Variants in NCAPD3 observed in about 807,000 individuals in gnomAD.
NCAPD3 encodes non-SMC condensin II complex subunit D3.
Under a neutral mutation model 182.9 loss-of-function variants are expected in NCAPD3, and 105 were observed. The ratio of observed to expected loss-of-function variants is 0.57; its 90% CI spans 0.49 to 0.68. The LOEUF is 0.68. NCAPD3 is among the 30% of genes least tolerant of loss of function. NCAPD3 has a pLI of 0.00. For synonymous variants in NCAPD3, 815 were observed against 679.9 expected (o/e 1.20, Z -3.09); for missense variants, 1,944 against 1,837.0 (o/e 1.06, Z -1.07).
chr11:134,210,602 G>A (rs1037120134), intron 3 of NCAPD3, 148 bp from the exon 4 acceptor site: 21 of 693,930 alleles, frequency 3.0e-5, no homozygotes, highest in Non-Finnish European at 4.8e-5. Context: ...CATTTGCAAC[G>A]TCAGCCTTAG....
In NCAPD3 at chr11:134,177,225, G is replaced by T; in HGVS notation, c.3015C>A (p.Leu1005=). 6.2e-7 allele frequency: 1 copy of T among 1,613,102 alleles called. No individual in the cohort carries two copies. The highest frequency in any genetic ancestry group is 8.5e-7 in the Non-Finnish European group (1 of 1,179,010). ...RKQTLILLTN[L]LQEEFVKWKG... is the part of the protein sequence containing the mutation. The stretch of plus-strand genomic sequence containing the variant: ...ATTGAACCCCCCTACGCACCTGCAA[G>T]AGATTGGTAAGCAAGATGAGTGTCT... The change falls in exon 23 of 35, where the codon CTC becomes CTA. Residue 1005 remains leucine (L), a synonymous_variant. Coordinates refer to ENST00000534548, the MANE Select transcript of NCAPD3 (RefSeq NM_015261.3).
chr11:134,222,829 C>A (rs1938284092), intron 1 of NCAPD3, among the ~76,000 whole-genome samples: 1 of 152,180 alleles, frequency 6.6e-6, no homozygotes, highest in Admixed American at 6.5e-5. Context: ...TCTAAATGAA[C>A]AAAATTGTTA....
chr11:134,167,968 G>A (rs1314324125), intron 27 of NCAPD3, 28 bp downstream of exon 27: 6 of 1,606,152 alleles, frequency 3.7e-6, no homozygotes, highest in African/African-American at 2.7e-5. Context: ...CTTGTGAGAA[G>A]ATGATCTTAG....
intron 24 of NCAPD3, among the ~76,000 whole-genome samples, chr11:134,169,988 CA>C (rs1565529371): frequency 6.6e-6 from 1 of 152,208 alleles, no homozygotes; most frequent in Non-Finnish European, 1.5e-5. Flanking sequence ...AAACAGCAGA[CA>C]CTGGCTCTGG....
Position 134,204,893 on chromosome 11 carries a change from C to G in NCAPD3, c.1089+6G>C, listed in dbSNP as rs1328712986. On this transcript the variant is annotated splice_donor_region_variant and intron_variant, in intron 9 of 34. Coordinates refer to ENST00000534548, the MANE Select transcript of NCAPD3 (RefSeq NM_015261.3). This position sits in a 1 kb window ranked among gnomAD's most constrained non-coding sequence, Gnocchi z 4.3. ...ATGTTATTAATATTACTAAGGCAAA[C>G]AGTACCTTGGCACAGATGTGCTGCA... 1.2e-6 allele frequency: 2 copies of G among 1,603,290 alleles called. No individual in the cohort carries two copies. Among genetic ancestry groups the G allele is most frequent in the Non-Finnish European group, 1.7e-6 (2 of 1,170,634 alleles).
upstream of NCAPD3, chr11:134,224,110 T>C: frequency 4.2e-6 from 3 of 706,854 alleles, no homozygotes; most frequent in East Asian, 2.8e-5. Flanking sequence ...CTCAGAGAAC[T>C]GGGCGGGCCG....
At chr11:134,163,150 G>A (rs182689838) in intron 27 of NCAPD3, among the ~76,000 whole-genome samples, 2 of 152,298 alleles carry the variant, frequency 1.3e-5, no homozygotes, top group East Asian at 1.9e-4. Flanking sequence ...TGAAAAAGAA[G>A]AATCAGGGTT....
intron 23 of NCAPD3, among the ~76,000 whole-genome samples, 180 bp downstream of exon 23, chr11:134,177,039 C>A (rs951227830): frequency 6.6e-6 from 1 of 152,222 alleles, no homozygotes; most frequent in South Asian, 2.1e-4. Flanking sequence ...TGAACATTCA[C>A]AAGTAACGCC....
In NCAPD3 at chr11:134,167,996, T is replaced by C. The variant is rs1467046601; in HGVS notation, c.3573A>G (p.Gln1191=). 5.0e-6 allele frequency: 8 copies of C among 1,613,656 alleles called. No individual in the cohort carries two copies. Among genetic ancestry groups the C allele is most frequent in the Admixed American group, 3.3e-5 (2 of 59,978 alleles). The change falls in exon 27 of 35, where the codon CAA becomes CAG. Residue 1191 remains glutamine (Q), a splice_region_variant and synonymous_variant. Transcript: ENST00000534548. ...GATCTTAGGGGAGCAACACACTCAC[T>C]TGTGAGATGAGCTTCTTCTGAGCTT... The part of the protein sequence containing the change: ...MQEAQKKLIS[Q]VQKRNFIENI...
At chr11:134,213,982 A>T (rs1373356242) in intron 3 of NCAPD3, among the ~76,000 whole-genome samples, 1 of 152,176 alleles carries the variant, frequency 6.6e-6, no homozygotes, top group Non-Finnish European at 1.5e-5. Context: ...TAGAGATTCC[A>T]ACATTCCTCT....
At position 134,153,174 on chromosome 11, in the gene NCAPD3, T is replaced by C. The variant is rs772655583; in HGVS notation, c.4354A>G (p.Asn1452Asp). The C allele has an allele frequency of 9.9e-6, 16 of 1,614,152 alleles. No individual in the cohort carries two copies. The highest frequency in any genetic ancestry group is 1.3e-5 in the Non-Finnish European group (15 of 1,180,014). Residue 1452 changes from asparagine to aspartate, a missense_variant, in exon 34 of 35, where the codon AAT (asparagine) becomes GAT (aspartate). Asn to Asp is a conservative substitution (Grantham distance 23). Around this residue, in one of 3 missense-constraint regions of NCAPD3, gnomAD observed 1,803 missense variants for 1,674.6 expected, o/e 1.08. Transcript: ENST00000534548. ...KEKIEGRSQG[N>D]DILCLSLPDK... ...GGCAGTGATAAACATAAGATGTCAT[T>C]TCCTTGACTCCGGCCTTCAATTTTC...
intron 27 of NCAPD3, among the ~76,000 whole-genome samples, chr11:134,162,783 G>C (rs1240310805): frequency 6.6e-6 from 1 of 152,236 alleles, no homozygotes; most frequent in East Asian, 1.9e-4. Context: ...TCCAGGCAAA[G>C]AGCTAACCCT....
chr11:134,189,253 T>C (rs1944475310), intron 16 of NCAPD3, among the ~76,000 whole-genome samples: 2 of 152,216 alleles, frequency 1.3e-5, no homozygotes, highest in South Asian at 4.1e-4. Context: ...GAAGTTTATC[T>C]TTTCCATTAG....
intron 20 of NCAPD3, among the ~76,000 whole-genome samples, chr11:134,180,032 G>C (rs1944261034): frequency 6.6e-6 from 1 of 151,932 alleles, no homozygotes; most frequent in African/African-American, 2.4e-5. Flanking sequence ...AAAAAAACCT[G>C]GGGGAGGAGG....
chr11:134,162,379 A>AC (rs1483264229), intron 27 of NCAPD3, among the ~76,000 whole-genome samples: 1 of 152,198 alleles, frequency 6.6e-6, no homozygotes, highest in Non-Finnish European at 1.5e-5. Flanking sequence ...CTCTCTGTGT[A>AC]CACATCTACA....
At chr11:134,165,148 C>T (rs1565523412) in intron 27 of NCAPD3, among the ~76,000 whole-genome samples, 2 of 150,564 alleles carry the variant, frequency 1.3e-5, no homozygotes, top group South Asian at 2.1e-4. Flanking sequence ...GCAGCACACT[C>T]ACTTGTGAGA....
chr11:134,222,226 G>GT (rs1938257776), intron 1 of NCAPD3, among the ~76,000 whole-genome samples: 1 of 152,188 alleles, frequency 6.6e-6, no homozygotes, highest in South Asian at 2.1e-4. Flanking sequence ...TCGAATGCAG[G>GT]TAACTTCTGC....
intron 3 of NCAPD3, among the ~76,000 whole-genome samples, chr11:134,213,390 A>G (rs1281035542): frequency 1.3e-5 from 2 of 151,366 alleles, no homozygotes; most frequent in Admixed American, 6.6e-5. Flanking sequence ...CACGATCTCA[A>G]CTCACTGCAA....
intron 13 of NCAPD3, among the ~76,000 whole-genome samples, chr11:134,195,709 C>T (rs1206819611): frequency 6.6e-6 from 1 of 151,510 alleles, no homozygotes; most frequent in East Asian, 1.9e-4. Context: ...CACCAAGACC[C>T]GATTTTAAAA....
Sources: allele counts gnomAD v4.1 joint callset (sites outside exome capture counted in the v4.1 genomes callset), GRCh38; gene constraint gnomAD v4.1.1; regional missense constraint gnomAD v4.1.1; non-coding constraint Gnocchi (gnomAD v3.1); transcripts MANE v1.5; gene names NCBI Gene and HGNC (gene_info 2026-07-23, HGNC 2026-07-21).